The following TMEM266 variants were observed in gnomAD, a reference collection of about 807,000 sequenced individuals.
TMEM266 encodes the protein transmembrane protein 266.
A neutral mutation model predicts 50.5 loss-of-function variants in TMEM266; 33 were observed. The observed-to-expected ratio is 0.65, with a 90% CI of 0.50 to 0.87. The LOEUF is 0.87. Among genes scored for constraint, TMEM266 ranks in the 40% least tolerant of loss-of-function variants. The pLI, the probability that TMEM266 is intolerant of heterozygous loss-of-function variation, is 0.00. For synonymous variants in TMEM266, 310 were observed against 292.3 expected, an observed-to-expected ratio of 1.06 and a Z score of -0.62; for missense variants, 655 against 695.1, an observed-to-expected ratio of 0.94 and a Z score of 0.65.
intron 3 of TMEM266, among the ~76,000 whole-genome samples, chr15:76,138,992 C>T (rs538686094): frequency 1.3e-5 from 2 of 152,328 alleles, no homozygotes; most frequent in South Asian, 4.1e-4. Flanking sequence ...GCAGATCAGA[C>T]TTCCGACTCT....
chr15:76,184,531 C>T (rs2038466511), intron 8 of TMEM266, among the ~76,000 whole-genome samples: 1 of 152,176 alleles, frequency 6.6e-6, no homozygotes, highest in African/African-American at 2.4e-5. Flanking sequence ...GATGCTATCC[C>T]AACAGCAGAT....
At chr15:76,193,681 T>C (rs1021187201) in intron 9 of TMEM266, among the ~76,000 whole-genome samples, 3 of 152,168 alleles carry the variant, frequency 2.0e-5, no homozygotes, top group African/African-American at 7.2e-5. Flanking sequence ...CATACCTCCC[T>C]GGGGAACCCA....
intron 5 of TMEM266, among the ~76,000 whole-genome samples, chr15:76,162,720 TG>T (rs1596144450): frequency 6.6e-6 from 1 of 152,042 alleles, no homozygotes; most frequent in East Asian, 1.9e-4. Flanking sequence ...GCTGGCAGGG[TG>T]GGCAGGGACC....
chr15:76,125,551 GT>G (rs1361514798), intron 1 of TMEM266, among the ~76,000 whole-genome samples: 2 of 151,350 alleles, frequency 1.3e-5, no homozygotes, highest in Non-Finnish European at 2.9e-5. Flanking sequence ...CAATAGCCCT[GT>G]TAAAAAAAAA....
chr15:76,151,499 T>C (rs2037842478), intron 3 of TMEM266, among the ~76,000 whole-genome samples: 1 of 152,072 alleles, frequency 6.6e-6, no homozygotes, highest in Non-Finnish European at 1.5e-5. Context: ...GTCTGTGGTC[T>C]TGCAGTCTAG....
intron 9 of TMEM266, among the ~76,000 whole-genome samples, chr15:76,193,142 C>T (rs1342783137): frequency 3.3e-5 from 5 of 152,224 alleles, no homozygotes; most frequent in Non-Finnish European, 5.9e-5. Context: ...GCTCTGTCTG[C>T]CTCACAGGAC....
intron 5 of TMEM266, among the ~76,000 whole-genome samples, chr15:76,165,884 T>C (rs2038087005): frequency 6.6e-6 from 1 of 152,240 alleles, no homozygotes; most frequent in African/African-American, 2.4e-5. Flanking sequence ...TGGTCTCCTG[T>C]TGTAACCCGG....
At chr15:76,101,313 G>T (rs980575061) in intron 1 of TMEM266, among the ~76,000 whole-genome samples, 18 of 152,164 alleles carry the variant, frequency 1.2e-4, no homozygotes, top group African/African-American at 4.3e-4. Context: ...TAAGGATCAG[G>T]ACCAGAACCT....
intron 1 of TMEM266, among the ~76,000 whole-genome samples, chr15:76,108,756 C>G (rs1217221935): frequency 6.6e-6 from 1 of 152,272 alleles, no homozygotes; most frequent in East Asian, 1.9e-4. Flanking sequence ...TCCTGGGTAT[C>G]CAGGCTCATG....
intron 1 of TMEM266, among the ~76,000 whole-genome samples, chr15:76,132,423 T>G (rs1034691335): frequency 6.6e-6 from 1 of 152,122 alleles, no homozygotes; most frequent in Non-Finnish European, 1.5e-5. Context: ...AATCCAGTTT[T>G]TAAGAGTATA....
At chr15:76,203,070 A>T (rs2038775024) in intron 10 of TMEM266, among the ~76,000 whole-genome samples, 1 of 151,952 alleles carries the variant, frequency 6.6e-6, no homozygotes, top group Non-Finnish European at 1.5e-5. Context: ...CACCCTCTGT[A>T]GGTCAGCCCC....
chr15:76,184,934 C>CT (rs1415702655), intron 8 of TMEM266, among the ~76,000 whole-genome samples: 12 of 152,202 alleles, frequency 7.9e-5, no homozygotes, highest in East Asian at 3.9e-4. Flanking sequence ...TAGGGATGGT[C>CT]TTTTTTTCCC....
At chr15:76,087,336 G>A (rs570662974) in intron 1 of TMEM266, among the ~76,000 whole-genome samples, 2 of 152,298 alleles carry the variant, frequency 1.3e-5, no homozygotes, top group East Asian at 3.9e-4. Context: ...AGATTGAGAT[G>A]ATAGAATTGA....
At chr15:76,084,604 T>TG (rs1355101179) in intron 1 of TMEM266, among the ~76,000 whole-genome samples, 17 of 148,826 alleles carry the variant, frequency 1.1e-4, no homozygotes, top group East Asian at 5.8e-4. Context: ...TTTGGTTTTT[T>TG]TTTTTTTGTT....
chr15:76,111,599 G>T (rs2037171126), intron 1 of TMEM266, among the ~76,000 whole-genome samples: 1 of 151,592 alleles, frequency 6.6e-6, no homozygotes, highest in South Asian at 2.1e-4. Context: ...ATAGAGATGG[G>T]GTTTCCCCAT....
chr15:76,066,094 T>C (rs560530884), intron 1 of TMEM266, among the ~76,000 whole-genome samples: 30 of 152,242 alleles, frequency 2.0e-4, no homozygotes, highest in Non-Finnish European at 4.3e-4. Flanking sequence ...ATTTATACTT[T>C]TAAAAAATAT....
At chr15:76,105,840 T>C (rs571147861) in intron 1 of TMEM266, among the ~76,000 whole-genome samples, 2 of 152,322 alleles carry the variant, frequency 1.3e-5, no homozygotes, top group African/African-American at 2.4e-5. Context: ...TGCCAAGATA[T>C]GTACATTATA....
intron 3 of TMEM266, among the ~76,000 whole-genome samples, chr15:76,150,296 G>T (rs1366247990): frequency 6.6e-6 from 1 of 152,198 alleles, no homozygotes; most frequent in Non-Finnish European, 1.5e-5. Flanking sequence ...AGCAGCTGGG[G>T]AAGCCCAGGG....
At chr15:76,081,790 A>G (rs536769671) in intron 1 of TMEM266, among the ~76,000 whole-genome samples, 2 of 152,302 alleles carry the variant, frequency 1.3e-5, no homozygotes, top group South Asian at 2.1e-4. Context: ...TCTGCCCACC[A>G]TGATCATGGG....
Sources: allele counts gnomAD v4.1 joint callset (sites outside exome capture counted in the v4.1 genomes callset), GRCh38; gene constraint gnomAD v4.1.1; transcripts MANE v1.5; gene names NCBI Gene and HGNC (gene_info 2026-07-23, HGNC 2026-07-21).